SUMF1: variants seen among roughly 807,000 people sequenced by gnomAD.
SUMF1 encodes sulfatase modifying factor 1.
A neutral mutation model predicts 47.6 loss-of-function variants in SUMF1; 48 were observed. That is an observed-to-expected ratio of 1.01 (90% CI 0.80 to 1.28). The LOEUF (loss-of-function observed/expected upper bound fraction) is 1.28. Ranked by LOEUF, SUMF1 falls within the 50% of genes most tolerant of loss-of-function variation. SUMF1 has a pLI of 0.00. For missense variants in SUMF1, 571 were observed against 485.4 expected (o/e 1.18, Z -1.66); for synonymous variants, 230 against 192.1 (o/e 1.20, Z -1.63).
chr3:4,336,424 G>C (rs1342530002), intron 8 of SUMF1, among the ~76,000 whole-genome samples: 4 of 152,150 alleles, frequency 2.6e-5, no homozygotes, highest in African/African-American at 9.7e-5. Context: ...GATAAAGTAA[G>C]CATGTGAAAA....
At chr3:4,185,800 A>G (rs948263525) in intron 8 of SUMF1, among the ~76,000 whole-genome samples, 3 of 152,182 alleles carry the variant, frequency 2.0e-5, no homozygotes, top group Admixed American at 6.5e-5. Context: ...GACACATGTG[A>G]ATTACTGGAA....
intron 8 of SUMF1, among the ~76,000 whole-genome samples, chr3:4,101,726 T>C (rs1336605678): frequency 6.6e-6 from 1 of 152,172 alleles, no homozygotes; most frequent in Non-Finnish European, 1.5e-5. Flanking sequence ...GAGCTATAGT[T>C]CTAGAGTGGA....
At position 4,301,686 on chromosome 3, in the gene SUMF1, G is replaced by A. The variant is rs578103223; in HGVS notation, c.1014+74644C>T. ...AGAGTAACTGGTTTGTTGCTTTAGTGGCTCTGTAGATCACAAATTATTTTC... is the reference window on the plus strand; with the variant it reads ...AGAGTAACTGGTTTGTTGCTTTAGTAGCTCTGTAGATCACAAATTATTTTC... On this transcript the variant is annotated intron_variant and NMD_transcript_variant, in intron 8 of 12. Coordinates refer to the SUMF1 transcript ENST00000448413. Among the ~76,000 whole-genome samples, 48 of 152,288 alleles carry A rather than the reference G, an allele frequency of 3.2e-4. 1 individual carries two copies. In the South Asian group the frequency reaches 9.5e-3, roughly 30 times the overall value.
chr3:4,217,567 G>T (rs1239903389), intron 8 of SUMF1, among the ~76,000 whole-genome samples: 1 of 77,100 alleles, frequency 1.3e-5, no homozygotes, highest in African/African-American at 5.1e-5. Flanking sequence ...GACTAACTGT[G>T]ACACCTTCAG....
intron 8 of SUMF1, among the ~76,000 whole-genome samples, chr3:4,251,428 T>C (rs1696799800): frequency 6.6e-6 from 1 of 152,234 alleles, no homozygotes; most frequent in African/African-American, 2.4e-5. Flanking sequence ...GGATTTGTAA[T>C]ATTACATCAA....
At chr3:4,327,606 G>A (rs1432373534) in intron 8 of SUMF1, among the ~76,000 whole-genome samples, 1 of 151,484 alleles carries the variant, frequency 6.6e-6, no homozygotes, top group Non-Finnish European at 1.5e-5. Context: ...CAGAATTATA[G>A]GAATCTTATA....
intron 8 of SUMF1, among the ~76,000 whole-genome samples, chr3:4,212,106 G>A (rs1040308369): frequency 2.0e-5 from 3 of 152,154 alleles, no homozygotes; most frequent in African/African-American, 7.2e-5. Context: ...TCTTCAAGTG[G>A]GTCCCTGACC....
chr3:4,293,496 A>T (rs1389863930), intron 8 of SUMF1, among the ~76,000 whole-genome samples: 4 of 152,210 alleles, frequency 2.6e-5, no homozygotes, highest in African/African-American at 9.7e-5. Context: ...TTCTATGACC[A>T]TTTATAAATT....
intron 9 of SUMF1, among the ~76,000 whole-genome samples, chr3:4,055,509 G>A (rs1172011250): frequency 6.6e-6 from 1 of 152,000 alleles, no homozygotes; most frequent in African/African-American, 2.4e-5. Flanking sequence ...TAGAGACAGA[G>A]TCTCGCTCTG....
At chr3:4,176,292 G>C (rs2125129069) in intron 8 of SUMF1, among the ~76,000 whole-genome samples, 1 of 152,240 alleles carries the variant, frequency 6.6e-6, no homozygotes, top group East Asian at 1.9e-4. Flanking sequence ...CAGAGAGAAA[G>C]GTCGAGTTAC....
At chr3:4,460,165 AG>A (rs568155708) in intron 1 of SUMF1, among the ~76,000 whole-genome samples, 41 of 152,324 alleles carry the variant, frequency 2.7e-4, no homozygotes, top group Admixed American at 3.3e-4. Context: ...AAGTAGGTTG[AG>A]GGATACAGGT....
rs751911122 is a variant in SUMF1, at chr3:4,417,999, C to T, written c.725+11G>A. The T allele has an allele frequency of 2.5e-6, 4 of 1,613,760 alleles. No individual in the cohort carries two copies. The highest frequency in any genetic ancestry group is 1.1e-5 in the South Asian group (1 of 91,054). On this transcript the variant is annotated intron_variant, in intron 5 of 8. Coordinates refer to ENST00000272902, the MANE Select transcript of SUMF1 (RefSeq NM_182760.4). ...AACATATTGTCAGGCAAAATGAGAT[C>T]CTCTAAATACCTATTATGCAGGCCT... is the stretch of plus-strand genomic sequence containing the variant.
At chr3:4,408,653 C>G (rs1355164921) in intron 7 of SUMF1, among the ~76,000 whole-genome samples, 2 of 152,048 alleles carry the variant, frequency 1.3e-5, no homozygotes, top group Non-Finnish European at 2.9e-5. Flanking sequence ...CAGAGCAAGA[C>G]CCCATCTCCA....
chr3:4,073,824 C>T (rs1296177821), intron 8 of SUMF1, among the ~76,000 whole-genome samples: 2 of 152,096 alleles, frequency 1.3e-5, no homozygotes, highest in Non-Finnish European at 2.9e-5. Flanking sequence ...TACAGGAGCA[C>T]CCAGATTCAT....
At chr3:4,238,981 C>A (rs1473627546) in intron 8 of SUMF1, among the ~76,000 whole-genome samples, 1 of 152,078 alleles carries the variant, frequency 6.6e-6, no homozygotes, top group Non-Finnish European at 1.5e-5. Flanking sequence ...CCAGTTTCAG[C>A]TTTCTGCATA....
intron 9 of SUMF1, among the ~76,000 whole-genome samples, chr3:4,047,686 A>G (rs1317311851): frequency 6.6e-6 from 1 of 152,146 alleles, no homozygotes; most frequent in African/African-American, 2.4e-5. Context: ...GACTGTCACT[A>G]TTAATTGGTG....
intron 6 of SUMF1, among the ~76,000 whole-genome samples, chr3:4,411,705 G>GAAA (rs35731250): frequency 0.025 from 2,801 of 114,140 alleles, 44 homozygotes; most frequent in African/African-American, 0.04. Context: ...AGAGCAGGAG[G>GAAA]AAAAAAAAAA....
At chr3:4,224,094 A>G (rs1274659627) in intron 8 of SUMF1, among the ~76,000 whole-genome samples, 5 of 152,108 alleles carry the variant, frequency 3.3e-5, no homozygotes, top group Non-Finnish European at 5.9e-5. Context: ...ACAAAACCCA[A>G]TTGAGGGGAA....
chr3:4,311,406 G>C (rs1368055273), intron 8 of SUMF1, among the ~76,000 whole-genome samples: 2 of 152,176 alleles, frequency 1.3e-5, no homozygotes, highest in Admixed American at 6.5e-5. Context: ...CCGTGCAACT[G>C]GTTCCTTGCA....
Sources: allele counts gnomAD v4.1 joint callset (sites outside exome capture counted in the v4.1 genomes callset), GRCh38; gene constraint gnomAD v4.1.1; transcripts MANE v1.5; gene names NCBI Gene and HGNC (gene_info 2026-07-23, HGNC 2026-07-21).